The following GALNT13 variants were observed in gnomAD, a reference collection of about 807,000 sequenced individuals.
The protein encoded by GALNT13 is polypeptide N-acetylgalactosaminyltransferase 13.
Under a neutral mutation model 64.2 loss-of-function variants are expected in GALNT13, and 28 were observed. The observed-to-expected ratio is 0.44, with a 90% CI of 0.32 to 0.60. The LOEUF is 0.60. GALNT13 is among the 20% of genes least tolerant of loss of function. The pLI is 0.05. For missense variants in GALNT13, 577 were observed against 669.8 expected (o/e 0.86, Z 1.53); for synonymous variants, 214 against 224.6 (o/e 0.95, Z 0.42).
intron 12 of GALNT13, chr2:154,441,747 A>T (rs1471546654): frequency 2.0e-5 from 3 of 152,128 alleles, no homozygotes; most frequent in Non-Finnish European, 2.9e-5. Flanking sequence ...AGAAAAATGG[A>T]AACAGTGTCA....
chr2:154,407,860 G>T (rs1012134787), intron 10 of GALNT13, among the ~76,000 whole-genome samples: 1 of 151,990 alleles, frequency 6.6e-6, no homozygotes. Flanking sequence ...CCAACTCCAG[G>T]TACTAGTACT....
chr2:153,348,387 C>A, the GALNT13 span, among the ~76,000 whole-genome samples: 3 of 152,148 alleles, frequency 2.0e-5, no homozygotes, highest in Non-Finnish European at 4.4e-5. Context: ...AACCTAGGCA[C>A]CTTCAGATGA....
At chr2:153,560,414 C>G in the GALNT13 span, among the ~76,000 whole-genome samples, 2 of 151,688 alleles carry the variant, frequency 1.3e-5, no homozygotes, top group Non-Finnish European at 2.9e-5. Flanking sequence ...TTTCCTCTCC[C>G]AGGTTAAAAA....
intron 3 of GALNT13, among the ~76,000 whole-genome samples, chr2:153,968,985 A>T (rs1439589693): frequency 6.6e-6 from 1 of 152,044 alleles, no homozygotes; most frequent in Non-Finnish European, 1.5e-5. Flanking sequence ...ACATTGAATA[A>T]TTTGATCTGT....
the GALNT13 span, among the ~76,000 whole-genome samples, chr2:153,333,106 C>A: frequency 6.6e-6 from 1 of 152,212 alleles, no homozygotes; most frequent in South Asian, 2.1e-4. Flanking sequence ...GATTAAAATG[C>A]CTGCATGGCC....
chr2:153,140,556 G>T, the GALNT13 span, among the ~76,000 whole-genome samples: 2 of 152,038 alleles, frequency 1.3e-5, no homozygotes, highest in African/African-American at 2.4e-5. Context: ...TATGGCTTGA[G>T]TCTAGGTTGT....
chr2:153,584,418 C>G, the GALNT13 span, among the ~76,000 whole-genome samples: 1 of 152,184 alleles, frequency 6.6e-6, no homozygotes, highest in Non-Finnish European at 1.5e-5. Flanking sequence ...ACAGCTACCT[C>G]CCTAGCCGGG....
intron 4 of GALNT13, among the ~76,000 whole-genome samples, chr2:154,159,661 G>C (rs956933285): frequency 6.6e-6 from 1 of 152,090 alleles, no homozygotes; most frequent in Non-Finnish European, 1.5e-5. Context: ...ATTGGGATGA[G>C]TTAGTGTTTT....
chr2:154,400,630 T>C (rs1699260106), intron 10 of GALNT13, among the ~76,000 whole-genome samples: 1 of 152,200 alleles, frequency 6.6e-6, no homozygotes, highest in Non-Finnish European at 1.5e-5. Flanking sequence ...AATATTACTT[T>C]ATCCAGCCCA....
chr2:153,300,504 A>G, the GALNT13 span, among the ~76,000 whole-genome samples: 1 of 152,214 alleles, frequency 6.6e-6, no homozygotes, highest in African/African-American at 2.4e-5. Flanking sequence ...GCTGAGGACT[A>G]TGTATTTGGA....
chr2:153,478,120 A>G, the GALNT13 span: 23 of 778,586 alleles, frequency 3.0e-5, no homozygotes, highest in Non-Finnish European at 3.0e-5. Context: ...GCCGAAGTCG[A>G]GAGAAATAAT....
the GALNT13 span, among the ~76,000 whole-genome samples, chr2:153,495,766 G>C: frequency 1.3e-5 from 2 of 152,212 alleles, no homozygotes; most frequent in African/African-American, 2.4e-5. Context: ...GGGAATCATG[G>C]AATGCAAATG....
chr2:153,082,676 T>A, the GALNT13 span, among the ~76,000 whole-genome samples: 1 of 126,828 alleles, frequency 7.9e-6, no homozygotes, highest in Admixed American at 8.2e-5. Context: ...TATATATAAT[T>A]TATTAAATAA....
the GALNT13 span, among the ~76,000 whole-genome samples, chr2:153,667,733 C>A: frequency 2.0e-5 from 3 of 152,124 alleles, no homozygotes; most frequent in African/African-American, 7.2e-5. Flanking sequence ...CTACAAAATA[C>A]CCAGCTAACA....
intron 3 of GALNT13, among the ~76,000 whole-genome samples, chr2:153,962,878 A>G (rs1320188342): frequency 4.6e-5 from 7 of 152,120 alleles, no homozygotes; most frequent in Admixed American, 3.9e-4. Context: ...GCAAATCTTA[A>G]AAGTTGAATT....
the GALNT13 span, among the ~76,000 whole-genome samples, chr2:153,103,089 T>C: frequency 2.8e-3 from 419 of 152,270 alleles, 2 homozygotes; most frequent in African/African-American, 9.7e-3. Context: ...CCAACTGGAC[T>C]GATCTCCTTA....
the GALNT13 span, among the ~76,000 whole-genome samples, chr2:153,680,763 T>G: frequency 2.0e-5 from 3 of 151,936 alleles, no homozygotes; most frequent in Non-Finnish European, 4.4e-5. Context: ...CCACAGTCCC[T>G]TTCTCTTACT....
At chr2:153,542,531 CA>C in the GALNT13 span, among the ~76,000 whole-genome samples, 1 of 151,996 alleles carries the variant, frequency 6.6e-6, no homozygotes, top group Non-Finnish European at 1.5e-5. Flanking sequence ...GAGGAAACAT[CA>C]GGGGTAAGGA....
the GALNT13 span, among the ~76,000 whole-genome samples, chr2:153,801,441 G>T: frequency 6.6e-6 from 1 of 151,846 alleles, no homozygotes; most frequent in Non-Finnish European, 1.5e-5. Context: ...ATATTAATTG[G>T]ACTACTTTCA....
Sources: allele counts gnomAD v4.1 joint callset (sites outside exome capture counted in the v4.1 genomes callset), GRCh38; gene constraint gnomAD v4.1.1; transcripts MANE v1.5; gene names NCBI Gene and HGNC (gene_info 2026-07-23, HGNC 2026-07-21).